The following HUWE1 variants were observed in gnomAD, a reference collection of about 807,000 sequenced individuals.
HUWE1 encodes E3 ubiquitin-protein ligase HUWE1.
HUWE1 carries 18 observed loss-of-function variants against 299.4 expected under a neutral mutation model. The ratio of observed to expected loss-of-function variants is 0.06; its 90% CI spans 0.04 to 0.09. The LOEUF (loss-of-function observed/expected upper bound fraction) is 0.09. Among genes scored for constraint, HUWE1 ranks in the 10% least tolerant of loss-of-function variants. HUWE1 has a pLI of 1.00. For synonymous variants in HUWE1, 1,317 were observed against 1,286.1 expected, an observed-to-expected ratio of 1.02 and a Z score of -0.51; for missense variants, 1,832 against 3,462.3, an observed-to-expected ratio of 0.53 and a Z score of 11.82.
Position 53,647,582 on chromosome X carries a change from G to A in HUWE1, c.145-8C>T. 8.5e-7 allele frequency: 1 copy of A among 1,173,530 alleles called. No homozygotes were observed. The highest frequency in any genetic ancestry group is 3.0e-5 in the East Asian group (1 of 33,721). On this transcript the variant is annotated splice_region_variant and splice_polypyrimidine_tract_variant and intron_variant, in intron 5 of 83. Transcript: ENST00000262854. Reference sequence around the variant, plus strand: ...CCAGTGATATAACTCGCACTGGAGAGGGGAGGAAAAAGAGGATGTAAGAAT... The same window carrying A: ...CCAGTGATATAACTCGCACTGGAGAAGGGAGGAAAAAGAGGATGTAAGAAT...
chrX:53,575,600 G>C, intron 45 of HUWE1, 43 bp downstream of exon 45: 1 of 1,179,032 alleles, frequency 8.5e-7, no homozygotes, highest in East Asian at 3.0e-5. Context: ...CACAGGCATT[G>C]AAAAATGAGA....
chrX:53,550,825 G>C, intron 65 of HUWE1, 57 bp from the exon 66 acceptor site: 1 of 1,191,579 alleles, frequency 8.4e-7, no homozygotes, highest in South Asian at 1.8e-5. Flanking sequence ...CTGGATATAG[G>C]TAATACAAAG....
intron 73 of HUWE1, 173 bp downstream of exon 73, chrX:53,543,668 C>T (rs1232128307): frequency 1.4e-6 from 1 of 734,662 alleles, no homozygotes; most frequent in Non-Finnish European, 2.0e-6. Flanking sequence ...ACCAACAAAC[C>T]AATCAACAAA....
At chrX:53,578,969 G>A (rs868971826) in intron 43 of HUWE1, among the ~76,000 whole-genome samples, 28 of 56,460 alleles carry the variant, frequency 5.0e-4, no homozygotes, top group East Asian at 2.0e-3. Context: ...CTGCCCGGCC[G>A]CCCCTACTGG....
chrX:53,565,779 G>A (rs2062500842), intron 49 of HUWE1, among the ~76,000 whole-genome samples: 1 of 109,757 alleles, frequency 9.1e-6, no homozygotes, highest in African/African-American at 3.3e-5. Context: ...CTACAGGCGT[G>A]AGCCACCATG....
At chrX:53,559,256 G>C (rs782400524) in intron 57 of HUWE1, 98 bp downstream of exon 57, 1 of 974,182 alleles carries the variant, frequency 1.0e-6, no homozygotes. Flanking sequence ...CCTATAAAAT[G>C]GGGGTTTTCT....
intron 29 of HUWE1, among the ~76,000 whole-genome samples, chrX:53,599,254 G>GTAA (rs1296697473): frequency 8.9e-6 from 1 of 112,572 alleles, no homozygotes; most frequent in African/African-American, 3.2e-5. Flanking sequence ...TCCTTTGAAG[G>GTAA]TAATGTTGGT....
chrX:53,572,186 CAA>C (rs2062864911), intron 47 of HUWE1, among the ~76,000 whole-genome samples: 2 of 111,011 alleles, frequency 1.8e-5, no homozygotes, highest in African/African-American at 6.5e-5. Flanking sequence ...AGAAGCCAGG[CAA>C]AAAAGAGAGT....
At chrX:53,582,990 C>T (rs111773867) in intron 42 of HUWE1, among the ~76,000 whole-genome samples, 4,906 of 112,004 alleles carry the variant, frequency 0.044, 119 homozygotes, top group Non-Finnish European at 0.068. Flanking sequence ...CTTAACTTTA[C>T]AAATGTTTTT....
chrX:53,575,495 C>G, intron 45 of HUWE1, 148 bp downstream of exon 45: 1 of 646,833 alleles, frequency 1.5e-6, no homozygotes, highest in Non-Finnish European at 2.4e-6. Context: ...CCAGGGACAC[C>G]CCAATTTTGT....
chrX:53,600,943 T>C lies in HUWE1; in HGVS notation c.2972-634A>G, dbSNP rs190623649. On this transcript the variant is annotated intron_variant, in intron 28 of 83. Coordinates refer to ENST00000262854, the MANE Select transcript of HUWE1 (RefSeq NM_031407.7). Reference sequence around the variant, plus strand: ...GGCAATTCTTTGACAGTGAATCTAATTTCATTCTCAGTTCTTAGTCAATTT... The same window carrying C: ...GGCAATTCTTTGACAGTGAATCTAACTTCATTCTCAGTTCTTAGTCAATTT... 3.3e-4 allele frequency among the ~76,000 whole-genome samples: 37 copies of C among 111,516 alleles called. 1 individual carries two copies. The highest frequency in any genetic ancestry group is 2.6e-3 in the Admixed American group (27 of 10,543).
At chrX:53,536,755 G>A (rs782432732) in intron 78 of HUWE1, 88 bp from the exon 79 acceptor site, 12 of 832,941 alleles carry the variant, frequency 1.4e-5, no homozygotes, top group East Asian at 9.9e-5. Flanking sequence ...CTGTGAAGCA[G>A]TGTCTGGGGA....
Position 53,543,873 on chromosome X carries a change from G to A in HUWE1, c.11347C>T (p.Gln3783Ter). ...GCTTGTTGCTGTCTCCGCGCCCTTT[G>A]ACCCTCACGTACCATTTGTATAATG... ...DAIIQMVREG[Q>*]RARRQQQAAT... The change falls in exon 73 of 84, where the codon CAA (glutamine) becomes TAA (stop). Residue 3783 changes from glutamine to a stop codon, truncating the protein, a stop_gained. Transcript: ENST00000262854. LOFTEE classifies it high-confidence loss of function. The A allele has an allele frequency of 2.5e-6, 3 of 1,210,708 alleles. No homozygotes were observed. Among genetic ancestry groups the A allele is most frequent in the Non-Finnish European group, 3.4e-6 (3 of 894,752 alleles).
At chrX:53,613,987 G>A (rs12838695) in intron 23 of HUWE1, among the ~76,000 whole-genome samples, 1 of 112,189 alleles carries the variant, frequency 8.9e-6, no homozygotes, top group Non-Finnish European at 1.9e-5. Context: ...CTTCCTGGCC[G>A]GATGCGGTAG....
Position 53,593,390 on chromosome X carries a change from G to C in HUWE1, c.3715C>G (p.Leu1239Val). Residue 1239 changes from leucine (L) to valine (V), a missense_variant, in exon 32 of 84, where the codon CTG (leucine) becomes GTG (valine). Physicochemically the swap from Leu to Val is conservative, Grantham distance 32 (BLOSUM62 1). Around this residue, in one of 15 missense-constraint regions of HUWE1, gnomAD observed 658 missense variants for 1,282.6 expected, o/e 0.51. Transcript: ENST00000262854. ...GVQNFPQFSA[L>V]RFLVVTQKAA... ...TTCTGAGTTACCACAAGGAAGCGCA[G>C]TGCACTGAACTGGGGAAAGTTCTGG... 1 of 1,202,770 alleles carries C rather than the reference G, an allele frequency of 8.3e-7. No homozygotes were observed. Among genetic ancestry groups the C allele is most frequent in the South Asian group, 1.8e-5 (1 of 56,765 alleles).
intron 83 of HUWE1, 72 bp from the exon 84 acceptor site, chrX:53,533,483 C>T (rs2060856006): frequency 1.4e-6 from 1 of 712,941 alleles, no homozygotes; most frequent in Admixed American, 2.6e-5. Context: ...CCCATGGTGC[C>T]CACCAGCCCC....
chrX:53,592,659 C>A, intron 32 of HUWE1, 31 bp from the exon 33 acceptor site: 2 of 1,031,061 alleles, frequency 1.9e-6, no homozygotes, highest in Non-Finnish European at 2.7e-6. Flanking sequence ...GTGTGAAAAT[C>A]ATTTTGCTTC....
Position 53,551,196 on chromosome X carries a change from A to C in HUWE1, c.9097-7T>G. On this transcript the variant is annotated splice_polypyrimidine_tract_variant and splice_region_variant and intron_variant, in intron 64 of 83. Coordinates refer to ENST00000262854, the MANE Select transcript of HUWE1 (RefSeq NM_031407.7). ...CTCTCTGCTGTGCCAGTACCTATGG[A>C]GCAGAAAAAGTCAATGAGGGCATTT... 8.3e-7 allele frequency: 1 copy of C among 1,211,280 alleles called. No individual in the cohort carries two copies. The highest frequency in any genetic ancestry group is 1.8e-5 in the South Asian group (1 of 56,956).
At chrX:53,559,226 G>T in intron 57 of HUWE1, 128 bp downstream of exon 57, 1 of 828,708 alleles carries the variant, frequency 1.2e-6, no homozygotes, top group Non-Finnish European at 1.8e-6. Flanking sequence ...CCATGGCTAA[G>T]TCACTGAGTG....
Sources: gnomAD v4.1 joint callset for allele counts (sites outside exome capture counted in the v4.1 genomes callset) on GRCh38, gnomAD v4.1.1 for gene constraint, gnomAD v4.1.1 regional missense constraint, MANE v1.5 for transcripts, NCBI Gene and HGNC (gene_info 2026-07-23, HGNC 2026-07-21) for gene names.